Variants in SMAP2 observed in about 807,000 individuals in gnomAD.
The protein encoded by SMAP2 is stromal membrane-associated protein 2.
Under a neutral mutation model 56.4 loss-of-function variants are expected in SMAP2, and 25 were observed. The observed-to-expected ratio is 0.44, with a 90% CI of 0.32 to 0.62. The LOEUF (loss-of-function observed/expected upper bound fraction) is 0.62, where lower values mean the gene tolerates loss of function less well. SMAP2 is among the 20% of genes least tolerant of loss of function. The pLI, the probability that SMAP2 is intolerant of heterozygous loss-of-function variation, is 0.04. For synonymous variants in SMAP2, 157 were observed against 181.7 expected, an observed-to-expected ratio of 0.86 and a Z score of 1.09; for missense variants, 388 against 545.6, an observed-to-expected ratio of 0.71 and a Z score of 2.88.
In SMAP2 at chr1:40,416,204, G is replaced by A; in HGVS notation, c.710G>A (p.Ser237Asn). 1 of 1,614,084 alleles carries A rather than the reference G, an allele frequency of 6.2e-7. No homozygotes were observed. ...KVVGSMPTAG[S>N]AGSVPENLNL... ...GTAGGTTCCATGCCAACTGCAGGGA[G>A]TGCCGGCTCTGTTCCTGAAAATCTG... is the stretch of plus-strand genomic sequence containing the variant. The change falls in exon 8 of 10, where the codon AGT becomes AAT. Residue 237 changes from serine (S) to asparagine (N), a missense_variant. Physicochemically the swap from Ser to Asn is conservative, Grantham distance 46. Coordinates refer to ENST00000372718, the MANE Select transcript of SMAP2 (RefSeq NM_022733.3).
chr1:40,416,750 A>G, intron 8 of SMAP2, 30 bp from the exon 9 acceptor site: 1 of 1,574,460 alleles, frequency 6.4e-7, no homozygotes, highest in Non-Finnish European at 8.7e-7. Flanking sequence ...TTCCCTCTTT[A>G]ACCAACCTGT....
Position 40,380,529 on chromosome 1 carries a change from C to CTTTTTTTT in SMAP2, c.103+6310_103+6317dup, listed in dbSNP as rs370625950. Among the ~76,000 whole-genome samples the CTTTTTTTT allele has an allele frequency of 3.2e-3, 464 of 142,872 alleles. 16 individuals are homozygous for CTTTTTTTT. The highest frequency in any genetic ancestry group is 6.0e-3 in the African/African-American group (226 of 37,964). 93.7% of individuals were successfully genotyped at this position (142,872 alleles called of 152,430 possible). Reference sequence around the variant, plus strand: ...AATTATTTTAGCTGTATCTGTGGCACTTTTTTTTTTTCTCTTTTGAGATGG... The same window carrying CTTTTTTTT: ...AATTATTTTAGCTGTATCTGTGGCACTTTTTTTTTTTTTTTTTTTCTCTTTTGAGATGG... On this transcript the variant is annotated intron_variant, in intron 1 of 9. Transcript: ENST00000372718.
chr1:40,375,887 C>T, intron 1 of SMAP2: 1 of 462,098 alleles, frequency 2.2e-6, no homozygotes, highest in Non-Finnish European at 2.8e-6. Context: ...AAATACAGCA[C>T]ATGGAAGAGA....
upstream of SMAP2, among the ~76,000 whole-genome samples, chr1:40,371,520 T>C (rs576968598): frequency 6.6e-6 from 1 of 152,374 alleles, no homozygotes; most frequent in South Asian, 2.1e-4. Context: ...AGAGAGCTCT[T>C]GTTTATCAGC....
intron 1 of SMAP2, among the ~76,000 whole-genome samples, chr1:40,358,485 A>T (rs932170597): frequency 3.3e-5 from 5 of 152,200 alleles, no homozygotes; most frequent in Non-Finnish European, 7.3e-5. Context: ...CGGAGGTTAC[A>T]GTAAGCCAAG....
intron 1 of SMAP2, among the ~76,000 whole-genome samples, chr1:40,348,831 T>C (rs1288042720): frequency 6.6e-6 from 1 of 151,822 alleles, no homozygotes; most frequent in Non-Finnish European, 1.5e-5. Flanking sequence ...AGTATAGAGG[T>C]GCAATCTCTG....
chr1:40,370,747 C>A (rs1644492866), upstream of SMAP2, among the ~76,000 whole-genome samples: 1 of 128,428 alleles, frequency 7.8e-6, no homozygotes, highest in African/African-American at 3.1e-5. Context: ...GGGAGATATA[C>A]CTAATGCTAG....
In SMAP2 at chr1:40,374,635, G is replaced by C; in HGVS notation, c.103+412G>C. 6.6e-7 allele frequency: 1 copy of C among 1,519,822 alleles called. No homozygotes were observed. Among genetic ancestry groups the C allele is most frequent in the Non-Finnish European group, 8.9e-7 (1 of 1,119,848 alleles). The allele number at this position is 1,519,822 out of a possible 1,614,324, so 94.1% of individuals were successfully genotyped here. A position where few individuals can be genotyped will look rare whatever the true frequency, so the allele number is the denominator to read the frequency against. On this transcript the variant is annotated intron_variant, in intron 1 of 9. Transcript: ENST00000372718. This position sits in a 1 kb window ranked among gnomAD's most constrained non-coding sequence, Gnocchi z 5.9. Reference sequence around the variant, plus strand: ...TGTGTGTGTGTGTGTGAGAGAGAGAGAGAGAGAATGACGAGGAGGAGGAGG... The same window carrying C: ...TGTGTGTGTGTGTGTGAGAGAGAGACAGAGAGAATGACGAGGAGGAGGAGG...
At chr1:40,345,188 G>A (rs1455025006) in intron 1 of SMAP2, among the ~76,000 whole-genome samples, 2 of 151,954 alleles carry the variant, frequency 1.3e-5, no homozygotes, top group Non-Finnish European at 2.9e-5. Context: ...AGGATCACTT[G>A]AGACCAGGAG....
Position 40,374,080 on chromosome 1 carries a change from A to T in SMAP2, c.-41A>T, listed in dbSNP as rs1557827167. 6.7e-7 allele frequency: 1 copy of T among 1,486,850 alleles called. No individual in the cohort carries two copies. Among genetic ancestry groups the T allele is most frequent in the East Asian group, 2.3e-5 (1 of 43,278 alleles). 92.1% of individuals were successfully genotyped at this position (1,486,850 alleles called of 1,614,324 possible). ...ACTGAGGCAGGGGTCTCTGGGGGCG[A>T]GGAGGGCGCGTCGCCCTCTGCCCCC... On this transcript the variant is annotated 5_prime_UTR_variant, in exon 1 of 10. Transcript: ENST00000372718. This position sits in a 1 kb window ranked among gnomAD's most constrained non-coding sequence, Gnocchi z 5.9.
chr1:40,364,514 A>G (rs1644471714), intron 2 of SMAP2, among the ~76,000 whole-genome samples: 1 of 152,230 alleles, frequency 6.6e-6, no homozygotes, highest in African/African-American at 2.4e-5. Flanking sequence ...AGGCCAAGGC[A>G]GGAGGATCGC....
intron 1 of SMAP2, among the ~76,000 whole-genome samples, chr1:40,353,106 G>T (rs1644417270): frequency 6.6e-6 from 1 of 152,182 alleles, no homozygotes; most frequent in Admixed American, 6.5e-5. Context: ...GGCTTTCCTG[G>T]TGTCCTTTGC....
chr1:40,388,904 C>T (rs991042084), intron 1 of SMAP2, among the ~76,000 whole-genome samples: 5 of 152,174 alleles, frequency 3.3e-5, no homozygotes, highest in African/African-American at 1.2e-4. Context: ...ACCACGAACC[C>T]ACCGGGAGGA....
chr1:40,347,063 A>G (rs1348067257), intron 1 of SMAP2, among the ~76,000 whole-genome samples: 1 of 137,502 alleles, frequency 7.3e-6, no homozygotes, highest in Admixed American at 6.8e-5. Context: ...TTTATTTTTG[A>G]GACACGGTCT....
chr1:40,405,333 A>G (rs1184352056), intron 1 of SMAP2, among the ~76,000 whole-genome samples: 1 of 152,062 alleles, frequency 6.6e-6, no homozygotes, highest in African/African-American at 2.4e-5. Flanking sequence ...TACAGTAAAT[A>G]AAAATATTAG....
chr1:40,384,196 C>G (rs960382242), intron 1 of SMAP2, among the ~76,000 whole-genome samples: 1 of 152,220 alleles, frequency 6.6e-6, no homozygotes, highest in Non-Finnish European at 1.5e-5. Context: ...GCCACCAAGG[C>G]CGGGCCTCAG....
intron 1 of SMAP2, chr1:40,403,679 T>C: frequency 3.1e-6 from 3 of 982,304 alleles, no homozygotes; most frequent in Non-Finnish European, 3.6e-6. Context: ...CCCTCTGTGT[T>C]CTAGGGCACT....
intron 4 of SMAP2, among the ~76,000 whole-genome samples, chr1:40,412,716 AT>A (rs1255163330): frequency 3.9e-5 from 6 of 152,212 alleles, no homozygotes; most frequent in African/African-American, 1.4e-4. Flanking sequence ...GGTGGGCAGC[AT>A]ACTGGTAAAA....
chr1:40,400,959 T>C (rs1437775472), intron 1 of SMAP2, among the ~76,000 whole-genome samples: 1 of 152,068 alleles, frequency 6.6e-6, no homozygotes, highest in Non-Finnish European at 1.5e-5. Context: ...CAATAAATAA[T>C]GTTAAGAGAA....
Sources: gnomAD v4.1 joint callset for allele counts (sites outside exome capture counted in the v4.1 genomes callset) on GRCh38, gnomAD v4.1.1 for gene constraint, Gnocchi (gnomAD v3.1) non-coding constraint, MANE v1.5 for transcripts, NCBI Gene and HGNC (gene_info 2026-07-23, HGNC 2026-07-21) for gene names.